Variants in PPM1F observed in about 807,000 individuals in gnomAD.
The protein encoded by PPM1F is protein phosphatase, Mg2+/Mn2+ dependent 1F, also known as protein phosphatase 1F.
Under a neutral mutation model 35.5 loss-of-function variants are expected in PPM1F, and 17 were observed. The observed-to-expected ratio is 0.48, with a 90% CI of 0.33 to 0.72. PPM1F has a LOEUF of 0.72. PPM1F is among the 30% of genes least tolerant of loss of function. The pLI, the probability that PPM1F is intolerant of heterozygous loss-of-function variation, is 0.02. For synonymous variants in PPM1F, 241 were observed against 255.5 expected, an observed-to-expected ratio of 0.94 and a Z score of 0.54; for missense variants, 521 against 613.0, an observed-to-expected ratio of 0.85 and a Z score of 1.59.
intron 3 of PPM1F, 136 bp from the exon 4 acceptor site, chr22:21,934,362 A>C: frequency 1.5e-6 from 1 of 671,446 alleles, no homozygotes; most frequent in Non-Finnish European, 2.5e-6. Context: ...CATCAACTCA[A>C]TAACGCGCAC....
intron 2 of PPM1F, chr22:21,942,015 T>G (rs1372528495): frequency 6.6e-6 from 1 of 152,292 alleles, no homozygotes; most frequent in Non-Finnish European, 1.5e-5. Context: ...ACCCCTGGAA[T>G]CTGCCTTCTC....
At position 21,922,643 on chromosome 22, in the gene PPM1F, G is replaced by A. The variant is rs1164580147; in HGVS notation, c.*449C>T. On this transcript the variant is annotated 3_prime_UTR_variant, in exon 8 of 8. Coordinates refer to ENST00000263212, the MANE Select transcript of PPM1F (RefSeq NM_014634.4). ...GAACCCACCTGGCCCTGGCCGCAGA[G>A]AGGAGCAATGGGAAACTGGGGCTGG... 6.3e-6 allele frequency: 1 copy of A among 159,116 alleles called. No homozygotes were observed. Among genetic ancestry groups the A allele is most frequent in the Non-Finnish European group, 1.4e-5 (1 of 72,846 alleles). 9.9% of individuals were successfully genotyped at this position (159,116 alleles called of 1,614,324 possible). A position where few individuals can be genotyped will look rare whatever the true frequency, so the allele number is the denominator to read the frequency against.
At position 21,949,736 on chromosome 22, in the gene PPM1F, G is replaced by A. The variant is rs901645474; in HGVS notation, c.-61+3056C>T. On this transcript the variant is annotated intron_variant, in intron 1 of 7. Transcript: ENST00000263212. Reference sequence around the variant, plus strand: ...CGGGGTGGGCATGGGAGGGACATTGGACTCCTGCATCCCAGCACCGCCTGC... The same window carrying A: ...CGGGGTGGGCATGGGAGGGACATTGAACTCCTGCATCCCAGCACCGCCTGC... 5.2e-5 allele frequency: 8 copies of A among 152,418 alleles called. No homozygotes were observed. The East Asian group carries it at 1.3e-3, about 26-fold the overall frequency. The allele number at this position is 152,418 out of a possible 1,614,324, so 9.4% of individuals were successfully genotyped here.
intron 3 of PPM1F, chr22:21,938,015 A>G (rs2070679502): frequency 9.0e-7 from 1 of 1,112,734 alleles, no homozygotes; most frequent in Non-Finnish European, 1.1e-6. Flanking sequence ...ACTTGACTAC[A>G]TTCTACTTCC....
chr22:21,929,238 C>T (rs1224356802), intron 6 of PPM1F, among the ~76,000 whole-genome samples: 1 of 152,158 alleles, frequency 6.6e-6, no homozygotes, highest in Non-Finnish European at 1.5e-5. Flanking sequence ...GCCAAGCCTA[C>T]AGAGCATGGC....
At chr22:21,933,041 G>C (rs1276486354) in intron 5 of PPM1F, among the ~76,000 whole-genome samples, 3 of 152,166 alleles carry the variant, frequency 2.0e-5, no homozygotes, top group African/African-American at 7.2e-5. Context: ...GGAACTGTGA[G>C]TAGTAGACTC....
In PPM1F at chr22:21,927,942, G is replaced by GTTTTTTTTTTTTTT. The variant is rs60216371; in HGVS notation, c.892-2294_892-2281dup. 2.2e-3 allele frequency among the ~76,000 whole-genome samples: 167 copies of GTTTTTTTTTTTTTT among 75,146 alleles called. 10 individuals are homozygous for GTTTTTTTTTTTTTT. Among genetic ancestry groups the GTTTTTTTTTTTTTT allele is most frequent in the East Asian group, 8.8e-3 (16 of 1,810 alleles). 49.3% of individuals were successfully genotyped at this position (75,146 alleles called of 152,430 possible). A position where few individuals can be genotyped will look rare whatever the true frequency, so the allele number is the denominator to read the frequency against. ...GATTCTTGATTCTGTTTTTTGTTTT[G>GTTTTTTTTTTTTTT]TTTTTTTTTTTTTTTTTTTTTTTTT... is the stretch of plus-strand genomic sequence containing the variant. On this transcript the variant is annotated intron_variant, in intron 6 of 7. Transcript: ENST00000263212.
Position 21,922,885 on chromosome 22 carries a change from G to T in PPM1F, c.*207C>A. ...TCTCTTTGGTGAGGTCTCCTAAGCT[G>T]CCTTCCACCATCTGCCCGCCACCCA... On this transcript the variant is annotated 3_prime_UTR_variant, in exon 8 of 8. Coordinates refer to ENST00000263212, the MANE Select transcript of PPM1F (RefSeq NM_014634.4). The T allele has an allele frequency of 1.6e-6, 1 of 643,716 alleles. No individual in the cohort carries two copies. Among genetic ancestry groups the T allele is most frequent in the East Asian group, 2.7e-5 (1 of 37,420 alleles). 39.9% of individuals were successfully genotyped at this position (643,716 alleles called of 1,614,324 possible).
At chr22:21,938,657 C>T in intron 3 of PPM1F, 1 of 981,354 alleles carries the variant, frequency 1.0e-6, no homozygotes. Flanking sequence ...AAATCCACTG[C>T]AACTCTGCTG....
chr22:21,923,454 G>T lies in PPM1F; in HGVS notation c.1003C>A (p.Pro335Thr), dbSNP rs779376709. Residue 335 changes from proline (P) to threonine (T), a missense_variant, in exon 8 of 8, where the codon CCC becomes ACC. Pro to Thr is a conservative substitution (Grantham distance 38, BLOSUM62 -1). This residue lies in a region of PPM1F where 163 missense variants were observed against 169.6 expected (regional missense o/e 0.96). Transcript: ENST00000263212. Reference sequence around the variant, plus strand: ...GCATCGGCCTCCCCAGACACGTAGGGCTTCTGGAAGACATCCCCTGGACAG... The same window carrying T: ...GCATCGGCCTCCCCAGACACGTAGGTCTTCTGGAAGACATCCCCTGGACAG... ...SRAIGDVFQKPYVSGEADAAS... is the reference protein window; with the variant it reads ...SRAIGDVFQKTYVSGEADAAS... The T allele has an allele frequency of 1.9e-6, 3 of 1,605,386 alleles. No individual in the cohort carries two copies. Among genetic ancestry groups the T allele is most frequent in the Non-Finnish European group, 2.6e-6 (3 of 1,173,584 alleles).
At chr22:21,925,386 G>C (rs2070499930) in intron 7 of PPM1F, 183 bp downstream of exon 7, 2 of 580,682 alleles carry the variant, frequency 3.4e-6, no homozygotes, top group Admixed American at 6.2e-5. Context: ...TCAGACACTG[G>C]TGCTGCAGTC....
intron 1 of PPM1F, 135 bp from the exon 2 acceptor site, chr22:21,946,243 GC>G: frequency 2.2e-6 from 1 of 458,452 alleles, no homozygotes; most frequent in East Asian, 3.5e-5. Flanking sequence ...GACAACCCTG[GC>G]CACTGTTTTG....
chr22:21,938,145 C>T (rs1471634925), intron 3 of PPM1F: 1 of 1,302,682 alleles, frequency 7.7e-7, no homozygotes, highest in East Asian at 5.5e-5. Flanking sequence ...CTTCCCAGGC[C>T]TGCAGGAGCC....
intron 2 of PPM1F, chr22:21,944,641 C>T (rs1158547246): frequency 6.6e-6 from 1 of 152,250 alleles, no homozygotes; most frequent in Admixed American, 6.5e-5. Context: ...GCCTGCTCAC[C>T]TCCATGAGCT....
intron 6 of PPM1F, chr22:21,925,968 C>A (rs746600035): frequency 2.7e-5 from 9 of 330,982 alleles, no homozygotes; most frequent in Non-Finnish European, 5.0e-5. Flanking sequence ...ACGAGGCTTG[C>A]GAGCCCGACA....
intron 6 of PPM1F, among the ~76,000 whole-genome samples, chr22:21,929,370 T>G (rs1177268332): frequency 6.6e-6 from 1 of 152,176 alleles, no homozygotes; most frequent in Non-Finnish European, 1.5e-5. Flanking sequence ...GTGCTCCACA[T>G]GCACTGGGAC....
In PPM1F at chr22:21,921,128, G is replaced by C. The variant is rs2070442632; in HGVS notation, c.*1964C>G. On this transcript the variant is annotated 3_prime_UTR_variant, in exon 8 of 8. Transcript: ENST00000263212. Reference sequence around the variant, plus strand: ...AGGGGTAAGGCTGGGCATGCAGGTAGGGCCCCAGCAAAGCTGGCTCCCCGC... The same window carrying C: ...AGGGGTAAGGCTGGGCATGCAGGTACGGCCCCAGCAAAGCTGGCTCCCCGC... 1 of 151,214 alleles carries C rather than the reference G, an allele frequency of 6.6e-6. No homozygotes were observed. The highest frequency in any genetic ancestry group is 1.5e-5 in the Non-Finnish European group (1 of 67,160). The allele number at this position is 151,214 out of a possible 1,614,324, so 9.4% of individuals were successfully genotyped here. A position where few individuals can be genotyped will look rare whatever the true frequency, so the allele number is the denominator to read the frequency against.
chr22:21,923,475 G>C lies in PPM1F; in HGVS notation c.986-4C>G. 6.3e-7 allele frequency: 1 copy of C among 1,595,880 alleles called. No homozygotes were observed. Among genetic ancestry groups the C allele is most frequent in the Non-Finnish European group, 8.6e-7 (1 of 1,167,518 alleles). ...TAGGGCTTCTGGAAGACATCCCCTG[G>C]ACAGGCGGAGAAGAGCCCGGGTCAG... On this transcript the variant is annotated splice_polypyrimidine_tract_variant and splice_region_variant and intron_variant, in intron 7 of 7. Transcript: ENST00000263212.
At position 21,922,292 on chromosome 22, in the gene PPM1F, T is replaced by TA. The variant is rs903024844; in HGVS notation, c.*799dup. The TA allele has an allele frequency of 2.0e-5, 3 of 152,666 alleles. No individual in the cohort carries two copies. The highest frequency in any genetic ancestry group is 1.9e-4 in the East Asian group (1 of 5,188). The allele number at this position is 152,666 out of a possible 1,614,324, so 9.5% of individuals were successfully genotyped here. ...TACTTAAGTTTTCTAAAGAATAAAA[T>TA]AAATGCTAAGCTCTGCTTAAATTAT... On this transcript the variant is annotated 3_prime_UTR_variant, in exon 8 of 8. Transcript: ENST00000263212.
Sources: gnomAD v4.1 joint callset for allele counts (sites outside exome capture counted in the v4.1 genomes callset) on GRCh38, gnomAD v4.1.1 for gene constraint, gnomAD v4.1.1 regional missense constraint, MANE v1.5 for transcripts, NCBI Gene and HGNC (gene_info 2026-07-23, HGNC 2026-07-21) for gene names.